Variants in DNER observed in about 807,000 individuals in gnomAD.
DNER encodes the protein delta and Notch-like epidermal growth factor-related receptor.
DNER carries 33 observed loss-of-function variants against 78.2 expected under a neutral mutation model. The ratio of observed to expected loss-of-function variants is 0.42; its 90% CI spans 0.32 to 0.56. The LOEUF is 0.56. Among genes scored for constraint, DNER ranks in the 20% least tolerant of loss-of-function variants. The pLI is 0.11. For missense variants in DNER, 918 were observed against 975.3 expected (o/e 0.94, Z 0.78); for synonymous variants, 417 against 384.8 (o/e 1.08, Z -0.98).
At chr2:229,574,517 T>C (rs989332187) in intron 4 of DNER, among the ~76,000 whole-genome samples, 4 of 152,202 alleles carry the variant, frequency 2.6e-5, no homozygotes, top group Admixed American at 2.0e-4. Context: ...TGTATTCTTC[T>C]TTCCAAAAAC....
At chr2:229,358,743 T>A in intron 12 of DNER, 92 bp from the exon 13 acceptor site, 2 of 1,018,270 alleles carry the variant, frequency 2.0e-6, no homozygotes, top group Non-Finnish European at 1.5e-6. Context: ...ATGCATGAAT[T>A]AAATGAAACT....
At chr2:229,680,906 A>G (rs951364099) in intron 1 of DNER, among the ~76,000 whole-genome samples, 5 of 152,248 alleles carry the variant, frequency 3.3e-5, no homozygotes, top group South Asian at 2.1e-4. Context: ...AGGCACTGCT[A>G]TAGTAATTAT....
intron 10 of DNER, among the ~76,000 whole-genome samples, chr2:229,391,975 A>G (rs1559339213): frequency 6.6e-6 from 1 of 152,198 alleles, no homozygotes. Flanking sequence ...AAGAAATGCA[A>G]AAAGACAAAA....
intron 1 of DNER, among the ~76,000 whole-genome samples, chr2:229,634,732 T>C (rs1698498886): frequency 6.6e-6 from 1 of 152,190 alleles, no homozygotes; most frequent in Non-Finnish European, 1.5e-5. Context: ...TTTACAAGGC[T>C]GCCGGCCCAA....
intron 11 of DNER, among the ~76,000 whole-genome samples, chr2:229,382,664 A>T (rs1465159058): frequency 6.6e-6 from 1 of 151,912 alleles, no homozygotes; most frequent in Non-Finnish European, 1.5e-5. Context: ...AAGAAAGGAT[A>T]TAAGAGACTG....
intron 1 of DNER, among the ~76,000 whole-genome samples, chr2:229,684,619 T>C (rs1203360293): frequency 6.6e-6 from 1 of 152,118 alleles, no homozygotes; most frequent in African/African-American, 2.4e-5. Context: ...TCTTCCCCTC[T>C]AGAGCTGGAA....
At chr2:229,643,493 G>A (rs896833580) in intron 1 of DNER, among the ~76,000 whole-genome samples, 1 of 152,220 alleles carries the variant, frequency 6.6e-6, no homozygotes, top group Non-Finnish European at 1.5e-5. Context: ...AAGCTGCATA[G>A]CAGATAGGAG....
At chr2:229,476,562 C>T (rs1379541098) in intron 7 of DNER, among the ~76,000 whole-genome samples, 1 of 152,104 alleles carries the variant, frequency 6.6e-6, no homozygotes, top group East Asian at 1.9e-4. Context: ...TGAAAATAAT[C>T]CCTTCCATAA....
intron 4 of DNER, among the ~76,000 whole-genome samples, chr2:229,554,465 G>A (rs1696810035): frequency 6.6e-6 from 1 of 152,164 alleles, no homozygotes; most frequent in African/African-American, 2.4e-5. Context: ...TCCAAGGTGG[G>A]CAGATCACTT....
At chr2:229,628,979 C>G (rs917267977) in intron 1 of DNER, among the ~76,000 whole-genome samples, 18 of 152,200 alleles carry the variant, frequency 1.2e-4, no homozygotes, top group African/African-American at 3.9e-4. Flanking sequence ...TCACCCTGCT[C>G]CTTCCTCTTT....
In DNER at chr2:229,366,864, A is replaced by C. The variant is rs778014620; in HGVS notation, c.2102+9T>G. 30 of 1,613,836 alleles carry C rather than the reference A, an allele frequency of 1.9e-5. No homozygotes were observed. The highest frequency in any genetic ancestry group is 2.3e-5 in the Non-Finnish European group (27 of 1,179,918). ...AGGCAGCATTCCCCACGCCGCCCCC[A>C]CAGCCAACCTGGCATGCCGGATGGA... On this transcript the variant is annotated intron_variant, in intron 12 of 12. Transcript: ENST00000341772.
chr2:229,423,914 T>C (rs1693816624), intron 8 of DNER, among the ~76,000 whole-genome samples: 1 of 152,222 alleles, frequency 6.6e-6, no homozygotes, highest in South Asian at 2.1e-4. Context: ...TGAAATCCTA[T>C]TTTTATCATA....
intron 5 of DNER, among the ~76,000 whole-genome samples, chr2:229,542,004 A>C (rs1259079186): frequency 6.8e-6 from 1 of 147,360 alleles, no homozygotes; most frequent in Non-Finnish European, 1.5e-5. Flanking sequence ...ATTAATATAT[A>C]ATATATATAA....
intron 4 of DNER, among the ~76,000 whole-genome samples, chr2:229,554,141 G>A (rs775288330): frequency 6.6e-6 from 1 of 152,168 alleles, no homozygotes; most frequent in Non-Finnish European, 1.5e-5. Flanking sequence ...CAGGCAATGG[G>A]ACAATATAGT....
chr2:229,381,843 G>C (rs1468197445), intron 11 of DNER, among the ~76,000 whole-genome samples: 1 of 152,184 alleles, frequency 6.6e-6, no homozygotes, highest in African/African-American at 2.4e-5. Flanking sequence ...GGGCAGCTGT[G>C]GGTGCAGCTT....
intron 10 of DNER, among the ~76,000 whole-genome samples, chr2:229,401,754 G>A (rs2106341738): frequency 6.6e-6 from 1 of 152,260 alleles, no homozygotes; most frequent in South Asian, 2.1e-4. Flanking sequence ...GGAGGAAACT[G>A]GGTGAAGCTT....
intron 10 of DNER, among the ~76,000 whole-genome samples, chr2:229,400,075 C>T (rs1315006156): frequency 6.6e-6 from 1 of 151,864 alleles, no homozygotes; most frequent in Non-Finnish European, 1.5e-5. Context: ...TCTGATACTG[C>T]TATACCTGGA....
At chr2:229,478,675 T>C (rs1268784273) in intron 6 of DNER, among the ~76,000 whole-genome samples, 1 of 152,204 alleles carries the variant, frequency 6.6e-6, no homozygotes, top group Non-Finnish European at 1.5e-5. Context: ...AGCCAAAACT[T>C]ACAAAAATCA....
chr2:229,470,476 G>A (rs1395117120), intron 7 of DNER, among the ~76,000 whole-genome samples: 9 of 150,990 alleles, frequency 6.0e-5, no homozygotes, highest in Admixed American at 6.7e-5. Context: ...CAACCTCAGA[G>A]AAACTGCTAT....
Sources: gnomAD v4.1 joint callset for allele counts (sites outside exome capture counted in the v4.1 genomes callset) on GRCh38, gnomAD v4.1.1 for gene constraint, MANE v1.5 for transcripts, NCBI Gene and HGNC (gene_info 2026-07-23, HGNC 2026-07-21) for gene names.